Variants in GLIS3 observed in about 807,000 individuals in gnomAD.
The protein encoded by GLIS3 is GLIS family zinc finger 3, also known as zinc finger protein GLIS3.
A neutral mutation model predicts 78.6 loss-of-function variants in GLIS3; 53 were observed. The observed-to-expected ratio is 0.67, with a 90% confidence interval of 0.54 to 0.85. GLIS3 has a LOEUF of 0.85. GLIS3 is among the 40% of genes least tolerant of loss of function. The pLI, the probability that GLIS3 is intolerant of heterozygous loss-of-function variation, is 0.00. For missense variants in GLIS3, 1,703 were observed against 1,231.1 expected (o/e 1.38, Z -5.74); for synonymous variants, 684 against 509.9 (o/e 1.34, Z -4.60).
chr9:4,089,023 G>C (rs893065729), intron 4 of GLIS3, among the ~76,000 whole-genome samples: 1 of 152,204 alleles, frequency 6.6e-6, no homozygotes, highest in Non-Finnish European at 1.5e-5. Flanking sequence ...TTAAAACAAA[G>C]CTGGTAGAAA....
At chr9:4,397,379 G>A in the GLIS3 span, among the ~76,000 whole-genome samples, 1 of 151,534 alleles carries the variant, frequency 6.6e-6, no homozygotes. Context: ...TTAACCTATT[G>A]CAAGTTTGAA....
intron 2 of GLIS3, among the ~76,000 whole-genome samples, chr9:4,135,005 C>G (rs1462769941): frequency 6.6e-6 from 1 of 152,084 alleles, no homozygotes; most frequent in Non-Finnish European, 1.5e-5. Flanking sequence ...GTTATGCCTT[C>G]CAACACATCC....
the GLIS3 span, among the ~76,000 whole-genome samples, chr9:4,420,555 T>C: frequency 1.3e-5 from 2 of 152,154 alleles, no homozygotes; most frequent in East Asian, 3.8e-4. Context: ...TACCAGAGCA[T>C]GTTTACCATT....
At chr9:4,233,568 C>T (rs753343318) in intron 2 of GLIS3, among the ~76,000 whole-genome samples, 4 of 152,212 alleles carry the variant, frequency 2.6e-5, no homozygotes, top group African/African-American at 9.6e-5. Flanking sequence ...GATGTGCTCT[C>T]ATCCAGGCTT....
At chr9:3,949,597 C>T (rs1486556685) in intron 4 of GLIS3, among the ~76,000 whole-genome samples, 1 of 152,186 alleles carries the variant, frequency 6.6e-6, no homozygotes, top group Non-Finnish European at 1.5e-5. Context: ...ACTTGGCCCT[C>T]CTTAGGTGCG....
intron 2 of GLIS3, among the ~76,000 whole-genome samples, chr9:4,331,124 C>A (rs540838383): frequency 2.4e-5 from 2 of 84,090 alleles, no homozygotes; most frequent in Non-Finnish European, 4.1e-5. Context: ...TGTTACAGTT[C>A]TAGAAGCTGT....
At chr9:3,963,303 T>C (rs944608612) in intron 4 of GLIS3, among the ~76,000 whole-genome samples, 1 of 152,210 alleles carries the variant, frequency 6.6e-6, no homozygotes, top group Non-Finnish European at 1.5e-5. Context: ...ATTCGACATG[T>C]TCACACATCC....
chr9:4,353,438 G>C, the GLIS3 span, among the ~76,000 whole-genome samples: 7 of 152,182 alleles, frequency 4.6e-5, no homozygotes, highest in African/African-American at 1.2e-4. Flanking sequence ...AGTCCATTGA[G>C]CCTCAGGATT....
chr9:3,959,263 G>A (rs1217745793), intron 4 of GLIS3, among the ~76,000 whole-genome samples: 2 of 152,186 alleles, frequency 1.3e-5, no homozygotes, highest in Non-Finnish European at 2.9e-5. Flanking sequence ...GACACACGGA[G>A]TGGGTGCTGT....
chr9:4,039,563 C>G (rs1042731911), intron 4 of GLIS3, among the ~76,000 whole-genome samples: 3 of 152,126 alleles, frequency 2.0e-5, no homozygotes, highest in African/African-American at 7.2e-5. Context: ...CATCTAACTC[C>G]CTCAATTTTC....
intron 9 of GLIS3, among the ~76,000 whole-genome samples, chr9:3,835,416 T>C (rs1256642998): frequency 1.3e-5 from 2 of 152,216 alleles, no homozygotes; most frequent in East Asian, 1.9e-4. Flanking sequence ...AGGAGACTCC[T>C]TGGAAATAAT....
chr9:4,391,076 A>G, the GLIS3 span, among the ~76,000 whole-genome samples: 1 of 151,544 alleles, frequency 6.6e-6, no homozygotes, highest in East Asian at 1.9e-4. Flanking sequence ...CTCCCTTTCT[A>G]TCTCTGCCCA....
At chr9:4,079,812 A>G (rs1262490905) in intron 4 of GLIS3, among the ~76,000 whole-genome samples, 1 of 152,150 alleles carries the variant, frequency 6.6e-6, no homozygotes, top group Non-Finnish European at 1.5e-5. Flanking sequence ...AAAGCACCCA[A>G]CACCCAACAT....
At chr9:4,182,015 C>G (rs753507043) in intron 2 of GLIS3, among the ~76,000 whole-genome samples, 9 of 152,350 alleles carry the variant, frequency 5.9e-5, no homozygotes, top group African/African-American at 1.9e-4. Context: ...CAGTAGACAA[C>G]TGATAAAGCA....
chr9:4,048,660 G>C (rs1417908423), intron 4 of GLIS3, among the ~76,000 whole-genome samples: 1 of 152,054 alleles, frequency 6.6e-6, no homozygotes, highest in Non-Finnish European at 1.5e-5. Context: ...TGATCAATAG[G>C]TGGCAGCATC....
At chr9:4,484,363 G>C in the GLIS3 span, among the ~76,000 whole-genome samples, 1 of 142,916 alleles carries the variant, frequency 7.0e-6, no homozygotes, top group Non-Finnish European at 1.5e-5. Flanking sequence ...TCAGCCTCCC[G>C]AGTAGCTGGG....
At chr9:4,391,600 G>T in the GLIS3 span, among the ~76,000 whole-genome samples, 192 of 151,452 alleles carry the variant, frequency 1.3e-3, no homozygotes, top group African/African-American at 4.6e-3. Flanking sequence ...AGGTTGAGAT[G>T]GTCAGTTTAT....
Position 3,828,180 on chromosome 9 carries a change from C to T in GLIS3, c.*92G>A, listed in dbSNP as rs1817826839. The T allele has an allele frequency of 1.4e-6, 2 of 1,478,414 alleles. No individual in the cohort carries two copies. The highest frequency in any genetic ancestry group is 1.7e-5 in the Admixed American group (1 of 59,668). 91.6% of individuals were successfully genotyped at this position (1,478,414 alleles called of 1,614,324 possible). On this transcript the variant is annotated 3_prime_UTR_variant, in exon 11 of 11. Transcript: ENST00000381971. Reference sequence around the variant, plus strand: ...CTGCAGGGCCCGCTGATTGGGCTGACATCCTTCCTCAAGCAGTCTGTGAGA... The same window carrying T: ...CTGCAGGGCCCGCTGATTGGGCTGATATCCTTCCTCAAGCAGTCTGTGAGA...
At chr9:4,161,351 T>C (rs1412667316) in intron 2 of GLIS3, among the ~76,000 whole-genome samples, 1 of 152,022 alleles carries the variant, frequency 6.6e-6, no homozygotes, top group Non-Finnish European at 1.5e-5. Flanking sequence ...AATTAGAAAA[T>C]TTCTGTTTTA....
Sources: allele counts gnomAD v4.1 joint callset (sites outside exome capture counted in the v4.1 genomes callset), GRCh38; gene constraint gnomAD v4.1.1; transcripts MANE v1.5; gene names NCBI Gene and HGNC (gene_info 2026-07-23, HGNC 2026-07-21).